Variants in TSPAN9 observed in about 807,000 individuals in gnomAD.
The protein encoded by TSPAN9 is tetraspanin 9, also known as tetraspanin-9.
In TSPAN9, 16 loss-of-function variants were observed where a neutral mutation model predicts 31.0. The ratio of observed to expected loss-of-function variants is 0.52; its 90% CI spans 0.35 to 0.78. The LOEUF is 0.78. Ranked by LOEUF, TSPAN9 falls within the 30% of genes least tolerant of loss-of-function variation. The probability of loss-of-function intolerance (pLI) is 0.01; values close to 1 mark genes in which losing one functional copy is unlikely to be tolerated. For synonymous variants in TSPAN9, 145 were observed against 121.6 expected (o/e 1.19, Z -1.27); for missense variants, 272 against 312.5 (o/e 0.87, Z 0.98).
chr12:3,278,887 C>G, intron 4 of TSPAN9, 105 bp from the exon 5 acceptor site: 1 of 1,239,780 alleles, frequency 8.1e-7, no homozygotes, highest in Non-Finnish European at 1.2e-6. Context: ...TTCTCCCAGA[C>G]CTGGGAAGCC....
At chr12:3,148,513 G>A (rs1156815814) in intron 2 of TSPAN9, among the ~76,000 whole-genome samples, 3 of 152,212 alleles carry the variant, frequency 2.0e-5, no homozygotes, top group Non-Finnish European at 4.4e-5. Flanking sequence ...TGGGGCTGTG[G>A]CTGGCAGGGT....
chr12:3,094,780 C>T (rs2098306970), intron 2 of TSPAN9, among the ~76,000 whole-genome samples: 2 of 150,618 alleles, frequency 1.3e-5, no homozygotes, highest in East Asian at 3.9e-4. Context: ...GGTGATCCTC[C>T]AGCCTCAGCC....
At chr12:3,276,524 G>A (rs1015524356) in intron 3 of TSPAN9, among the ~76,000 whole-genome samples, 4 of 152,190 alleles carry the variant, frequency 2.6e-5, no homozygotes, top group Non-Finnish European at 4.4e-5. Context: ...TGTCTGGAAC[G>A]TTCTTCCCCC....
chr12:3,263,484 G>A (rs941911993), intron 3 of TSPAN9, among the ~76,000 whole-genome samples: 2 of 152,190 alleles, frequency 1.3e-5, no homozygotes, highest in Non-Finnish European at 2.9e-5. Flanking sequence ...GCTCTGGCCT[G>A]TATGAGCAGG....
At chr12:3,177,686 G>A (rs1212946579) in intron 2 of TSPAN9, among the ~76,000 whole-genome samples, 2 of 152,234 alleles carry the variant, frequency 1.3e-5, no homozygotes, top group African/African-American at 4.8e-5. Flanking sequence ...GCCTGCCTCA[G>A]CCTCCCAAAG....
At position 3,187,658 on chromosome 12, in the gene TSPAN9, T is replaced by C. The variant is rs2098362103; in HGVS notation, c.-17-13519T>C. Among the ~76,000 whole-genome samples, 1 of 152,138 alleles carries C rather than the reference T, an allele frequency of 6.6e-6. No homozygotes were observed. Among genetic ancestry groups the C allele is most frequent in the Non-Finnish European group, 1.5e-5 (1 of 68,026 alleles). ...GGTGGGTGAGGGCCAGATGTGATCA[T>C]TAGTGTGAGAGCCCCTCAAAAAAGC... On this transcript the variant is annotated intron_variant, in intron 2 of 8. Coordinates refer to ENST00000011898, the MANE Select transcript of TSPAN9 (RefSeq NM_006675.5). This position sits in a 1 kb window ranked among gnomAD's most constrained non-coding sequence, Gnocchi z 5.2.
At chr12:3,180,716 G>T (rs535841998) in intron 2 of TSPAN9, among the ~76,000 whole-genome samples, 1 of 152,282 alleles carries the variant, frequency 6.6e-6, no homozygotes, top group South Asian at 2.1e-4. Context: ...CAGAGTAAGT[G>T]CCTGTCACCT....
At chr12:3,146,575 A>G (rs11062531) in intron 2 of TSPAN9, among the ~76,000 whole-genome samples, 6,137 of 152,212 alleles carry the variant, frequency 0.04, 154 homozygotes, top group East Asian at 0.12. Flanking sequence ...CAAATAGTTA[A>G]TTACACTTGG....
chr12:3,131,740 C>T (rs761946420), intron 2 of TSPAN9, among the ~76,000 whole-genome samples: 3 of 151,598 alleles, frequency 2.0e-5, no homozygotes, highest in Non-Finnish European at 4.4e-5. Context: ...TCCCAAAGTC[C>T]TCGCAATTTT....
At chr12:3,271,049 A>G (rs1862668123) in intron 3 of TSPAN9, among the ~76,000 whole-genome samples, 2 of 152,238 alleles carry the variant, frequency 1.3e-5, no homozygotes, top group Admixed American at 1.3e-4. Context: ...ATTCTGGTAT[A>G]ATCAAAATGT....
chr12:3,184,825 T>C (rs1414986121), intron 2 of TSPAN9, among the ~76,000 whole-genome samples: 2 of 152,190 alleles, frequency 1.3e-5, no homozygotes, highest in Non-Finnish European at 2.9e-5. Context: ...TGGGTGTCCA[T>C]GGCAGAGCAG....
rs188476790 is a variant in TSPAN9 at position 3,143,927 on chromosome 12, G to T, written c.-17-57250G>T. Among the ~76,000 whole-genome samples, 19 of 152,242 alleles carry T rather than the reference G, an allele frequency of 1.2e-4. No individual in the cohort carries two copies. In the East Asian group the frequency reaches 3.5e-3, roughly 28 times the overall value. On this transcript the variant is annotated intron_variant, in intron 2 of 8. Transcript: ENST00000011898. The surrounding 1 kb of genome is among the most constrained non-coding windows in gnomAD (Gnocchi z 4.2). ...AAACCAAGATCTAGGTGCTAGGTGC[G>T]TTCATTGCTACTGGGGTGTCATTGC...
At chr12:3,149,265 G>A (rs1382374984) in intron 2 of TSPAN9, among the ~76,000 whole-genome samples, 1 of 152,210 alleles carries the variant, frequency 6.6e-6, no homozygotes, top group African/African-American at 2.4e-5. Flanking sequence ...CAGGCCCTGT[G>A]TGTAGGGGCT....
At chr12:3,145,142 C>T (rs984791330) in intron 2 of TSPAN9, among the ~76,000 whole-genome samples, 2 of 152,204 alleles carry the variant, frequency 1.3e-5, no homozygotes, top group East Asian at 1.9e-4. Flanking sequence ...CAGCAGCCCT[C>T]GGCGTCCTCT....
chr12:3,198,278 C>G (rs2098368472), intron 2 of TSPAN9, among the ~76,000 whole-genome samples: 2 of 114,142 alleles, frequency 1.8e-5, no homozygotes, highest in Admixed American at 1.9e-4. Flanking sequence ...CAGGCCACCA[C>G]CAGCACAGCT....
rs564203632 is a variant in TSPAN9 at position 3,274,136 on chromosome 12, AC to A, written c.64-4281del. Among the ~76,000 whole-genome samples, 3 of 152,090 alleles carry A rather than the reference AC, an allele frequency of 2.0e-5. No individual in the cohort carries two copies. In the South Asian group the frequency reaches 6.2e-4, roughly 32 times the overall value. On this transcript the variant is annotated intron_variant, in intron 3 of 8. Transcript: ENST00000011898. ...TGTGCACTGCGGGGTGTTTGGCAGC[AC>A]CCCTGGCCTCTACTCACCAGGTGCC... is the stretch of plus-strand genomic sequence containing the variant.
intron 3 of TSPAN9, chr12:3,212,034 T>C (rs9669143): frequency 0.63 from 396,232 of 633,430 alleles, 125,005 homozygotes; most frequent in Middle Eastern, 0.71. Flanking sequence ...TGCAGTGGCA[T>C]GATCTCAGCT....
intron 1 of TSPAN9, among the ~76,000 whole-genome samples, chr12:3,083,200 C>T (rs2098298752): frequency 6.6e-6 from 1 of 152,232 alleles, no homozygotes; most frequent in Non-Finnish European, 1.5e-5. Context: ...GTGGCCCTTT[C>T]CTTTATATTG....
chr12:3,258,679 A>G (rs768558043), intron 3 of TSPAN9, among the ~76,000 whole-genome samples: 5 of 152,112 alleles, frequency 3.3e-5, no homozygotes, highest in Admixed American at 1.3e-4. Flanking sequence ...GCGCTGAATA[A>G]CATCATTCCT....
Sources: allele counts gnomAD v4.1 joint callset (sites outside exome capture counted in the v4.1 genomes callset), GRCh38; gene constraint gnomAD v4.1.1; non-coding constraint Gnocchi (gnomAD v3.1); transcripts MANE v1.5; gene names NCBI Gene and HGNC (gene_info 2026-07-23, HGNC 2026-07-21).